The following CCL26 variants were observed in gnomAD, a reference collection of about 807,000 sequenced individuals.
CCL26 encodes the protein C-C motif chemokine 26.
A neutral mutation model predicts 10.7 loss-of-function variants in CCL26; 10 were observed. That is an observed-to-expected ratio of 0.93 (90% CI 0.57 to 1.58). CCL26 has a LOEUF of 1.58. Among genes scored for constraint, CCL26 ranks in the 40% most tolerant of loss-of-function variants. The pLI, the probability that CCL26 is intolerant of heterozygous loss-of-function variation, is 0.00. For synonymous variants in CCL26, 43 were observed against 41.4 expected (o/e 1.04, Z -0.15); for missense variants, 116 against 111.0 (o/e 1.05, Z -0.20).
rs781937402 is a variant in CCL26, at chr7:75,769,781, G to A, written c.197C>T (p.Thr66Ile). 2 of 1,600,658 alleles carry A rather than the reference G, an allele frequency of 1.2e-6. No homozygotes were observed. Among genetic ancestry groups the A allele is most frequent in the Non-Finnish European group, 1.7e-6 (2 of 1,167,768 alleles). The part of the protein sequence containing the change: ...SCSQRAVIFT[T>I]KRGKKVCTHP... Reference sequence around the variant, plus strand: ...GGTACAGACTTTCTTGCCTCTTTTGGTAGTGAATCTGTGAAAAAGAGACAC... The same window carrying A: ...GGTACAGACTTTCTTGCCTCTTTTGATAGTGAATCTGTGAAAAAGAGACAC... Residue 66 changes from threonine to isoleucine, a missense_variant, in exon 3 of 3, where the codon ACC (threonine) becomes ATC (isoleucine). By Grantham distance (89) the Thr-to-Ile change is moderately conservative. Transcript: ENST00000005180.
intron 2 of CCL26, among the ~76,000 whole-genome samples, chr7:75,770,337 T>A (rs1390051520): frequency 1.3e-5 from 2 of 152,160 alleles, no homozygotes; most frequent in Non-Finnish European, 2.9e-5. Flanking sequence ...CCCAAAGTGC[T>A]GGGATAACAG....
At chr7:75,782,654 C>T (rs1803089935) in intron 1 of CCL26, among the ~76,000 whole-genome samples, 2 of 152,128 alleles carry the variant, frequency 1.3e-5, no homozygotes, top group African/African-American at 4.8e-5. Flanking sequence ...AATACAAACT[C>T]GACACTAGCT....
chr7:75,791,148 T>A, upstream of CCL26, among the ~76,000 whole-genome samples: 1 of 150,668 alleles, frequency 6.6e-6, no homozygotes. Flanking sequence ...TGCCTCAGCC[T>A]CCCGAGTAGC....
chr7:75,791,219 G>A (rs934742294), upstream of CCL26, among the ~76,000 whole-genome samples: 2 of 151,822 alleles, frequency 1.3e-5, no homozygotes, highest in South Asian at 4.2e-4. Flanking sequence ...TAGAGACAAG[G>A]TTTTGTCATG....
At chr7:75,778,832 C>T (rs1252980566) in intron 1 of CCL26, among the ~76,000 whole-genome samples, 4 of 142,488 alleles carry the variant, frequency 2.8e-5, no homozygotes, top group Non-Finnish European at 6.1e-5. Flanking sequence ...AATCCCAGCA[C>T]TTTGGGAGGC....
At chr7:75,775,789 T>C (rs1177752685), upstream of CCL26, among the ~76,000 whole-genome samples, 8 of 152,144 alleles carry the variant, frequency 5.3e-5, no homozygotes, top group African/African-American at 9.7e-5. Flanking sequence ...GCTGAAGCCA[T>C]GATCATGTTT....
intron 1 of CCL26, among the ~76,000 whole-genome samples, chr7:75,778,848 T>TCGGGGG (rs59030718): frequency 1.7e-4 from 26 of 149,248 alleles, no homozygotes; most frequent in Admixed American, 3.3e-4. Flanking sequence ...GAGGCCAAGG[T>TCGGGGG]GGGGGGGGCA....
At chr7:75,791,576 G>A (rs781832030), upstream of CCL26, among the ~76,000 whole-genome samples, 4 of 151,686 alleles carry the variant, frequency 2.6e-5, no homozygotes, top group Non-Finnish European at 2.9e-5. Context: ...CCCACTTCTC[G>A]GCCTCTCAAA....
chr7:75,788,192 G>A (rs782614440), intron 1 of CCL26, among the ~76,000 whole-genome samples: 8 of 152,106 alleles, frequency 5.3e-5, no homozygotes, highest in South Asian at 2.1e-4. Flanking sequence ...AAGCTAAGCC[G>A]TCGTATCCCC....
chr7:75,779,004 A>G (rs1413819483), intron 1 of CCL26, among the ~76,000 whole-genome samples: 1 of 152,182 alleles, frequency 6.6e-6, no homozygotes, highest in Non-Finnish European at 1.5e-5. Context: ...GAATCACAAA[A>G]GAAGTGAAAA....
chr7:75,780,269 C>T (rs10243457), intron 1 of CCL26, among the ~76,000 whole-genome samples: 43,031 of 151,510 alleles, frequency 0.28, 6,628 homozygotes, highest in African/African-American at 0.39. Flanking sequence ...TGTCTCTACC[C>T]TATCTTTTCT....
Position 75,771,875 on chromosome 7 carries a change from C to T in CCL26, c.188+14G>A, listed in dbSNP as rs141555211. On this transcript the variant is annotated intron_variant, in intron 2 of 2. Transcript: ENST00000005180. ...CTGATGGGGCCCCAGAAAGTACGTC[C>T]GAGAAATACTCACATCACAGCCCGC... 28 of 1,584,952 alleles carry T rather than the reference C, an allele frequency of 1.8e-5. No homozygotes were observed. Among genetic ancestry groups the T allele is most frequent in the East Asian group, 6.7e-5 (3 of 44,738 alleles).
At chr7:75,790,703 G>C (rs1803312362), upstream of CCL26, among the ~76,000 whole-genome samples, 1 of 152,060 alleles carries the variant, frequency 6.6e-6, no homozygotes, top group Non-Finnish European at 1.5e-5. Context: ...CAGCACTGTG[G>C]GAGGCCGAGG....
intron 1 of CCL26, among the ~76,000 whole-genome samples, chr7:75,780,463 A>C (rs1356459575): frequency 6.6e-6 from 1 of 152,064 alleles, no homozygotes; most frequent in African/African-American, 2.4e-5. Context: ...CCTAAAACCT[A>C]AATGCCTTAT....
chr7:75,774,075 G>A (rs903197248), upstream of CCL26, among the ~76,000 whole-genome samples: 9 of 152,200 alleles, frequency 5.9e-5, no homozygotes, highest in African/African-American at 2.2e-4. Flanking sequence ...TAGGTGGGAA[G>A]AGGATAGATG....
chr7:75,777,557 G>A (rs539651013), intron 1 of CCL26, among the ~76,000 whole-genome samples: 3 of 151,650 alleles, frequency 2.0e-5, no homozygotes, highest in Non-Finnish European at 4.4e-5. Context: ...AGACAAGCCT[G>A]GGCAATATAG....
In CCL26 at chr7:75,781,376, G is replaced by A. The variant is rs138550701; in HGVS notation, c.-79+8341C>T. Among the ~76,000 whole-genome samples the A allele has an allele frequency of 7.9e-3, 1,198 of 152,264 alleles. 44 individuals are homozygous for A. The highest frequency in any genetic ancestry group is 0.062 in the East Asian group (323 of 5,182). On this transcript the variant is annotated intron_variant, in intron 1 of 3. Coordinates refer to the CCL26 transcript ENST00000394905. ...ACAAGAACTTCCAAACTCCTGAACC[G>A]CAGCTGCCAGGGGTTCCTCCAGAAC...
chr7:75,776,175 G>A (rs1378234461), upstream of CCL26, among the ~76,000 whole-genome samples: 1 of 148,986 alleles, frequency 6.7e-6, no homozygotes, highest in Admixed American at 6.9e-5. Context: ...AGGTTCACAC[G>A]ATTCTCCTGT....
At chr7:75,772,032 A>G in intron 1 of CCL26, 29 bp from the exon 2 acceptor site, 1 of 1,605,552 alleles carries the variant, frequency 6.2e-7, no homozygotes, top group Non-Finnish European at 8.5e-7. Flanking sequence ...AAGGGTTTGG[A>G]GATACTCATT....
Sources: allele counts gnomAD v4.1 joint callset (sites outside exome capture counted in the v4.1 genomes callset), GRCh38; gene constraint gnomAD v4.1.1; transcripts MANE v1.5; gene names NCBI Gene and HGNC (gene_info 2026-07-23, HGNC 2026-07-21).